DCC: variants seen among roughly 807,000 people sequenced by gnomAD.
DCC encodes the protein DCC netrin 1 receptor.
DCC carries 58 observed loss-of-function variants against 172.5 expected under a neutral mutation model. That is an observed-to-expected ratio of 0.34 (90% CI 0.27 to 0.42). The LOEUF is 0.42. Ranked by LOEUF, DCC falls within the 10% of genes least tolerant of loss-of-function variation. The probability of loss-of-function intolerance (pLI) is 1.00; values close to 1 mark genes in which losing one functional copy is unlikely to be tolerated. For synonymous variants in DCC, 709 were observed against 644.5 expected (o/e 1.10, Z -1.52); for missense variants, 1,740 against 1,791.0 (o/e 0.97, Z 0.51).
chr18:52,925,610 C>T (rs1038354037), intron 5 of DCC, among the ~76,000 whole-genome samples: 1 of 151,758 alleles, frequency 6.6e-6, no homozygotes, highest in Non-Finnish European at 1.5e-5. Flanking sequence ...TCCAGTGATA[C>T]AGCTGAAAAG....
At chr18:52,625,646 A>G (rs1369301905) in intron 1 of DCC, among the ~76,000 whole-genome samples, 1 of 152,156 alleles carries the variant, frequency 6.6e-6, no homozygotes, top group African/African-American at 2.4e-5. Flanking sequence ...TCTACCTGCC[A>G]CCACAGACAT....
rs1463189723 is a variant in DCC at position 53,535,843 on chromosome 18, T to A, written c.*5190T>A. On this transcript the variant is annotated 3_prime_UTR_variant, in exon 29 of 29. Coordinates refer to ENST00000442544, the MANE Select transcript of DCC (RefSeq NM_005215.4). The stretch of plus-strand genomic sequence containing the variant: ...GAACAGTCTCATATTCATTTTTTTA[T>A]AGAAATGTTATTCCAATGGTGCATT... 6.6e-6 allele frequency: 1 copy of A among 152,248 alleles called. No individual in the cohort carries two copies. The highest frequency in any genetic ancestry group is 1.5e-5 in the Non-Finnish European group (1 of 68,044). The allele number at this position is 152,248 out of a possible 1,614,324, so 9.4% of individuals were successfully genotyped here.
intron 7 of DCC, among the ~76,000 whole-genome samples, chr18:53,132,860 G>A (rs2043679539): frequency 6.6e-6 from 1 of 152,114 alleles, no homozygotes. Context: ...CCAAGAACAG[G>A]TTATTCATGT....
intron 7 of DCC, among the ~76,000 whole-genome samples, chr18:53,104,503 T>C (rs1294982398): frequency 3.9e-5 from 6 of 152,084 alleles, no homozygotes; most frequent in Non-Finnish European, 5.9e-5. Context: ...CCCAGCCATG[T>C]GGAACTGTAA....
At chr18:53,208,105 GT>G (rs141875005) in intron 11 of DCC, among the ~76,000 whole-genome samples, 5,354 of 127,080 alleles carry the variant, frequency 0.042, 125 homozygotes, top group African/African-American at 0.089. Flanking sequence ...CTCTGTAAAT[GT>G]TTTTTTTTTT....
chr18:52,709,462 C>T (rs2036259868), intron 1 of DCC, among the ~76,000 whole-genome samples: 2 of 152,044 alleles, frequency 1.3e-5, no homozygotes, highest in Admixed American at 1.3e-4. Flanking sequence ...GGCTCTAAAT[C>T]TATAGGGTAC....
intron 26 of DCC, among the ~76,000 whole-genome samples, chr18:53,498,951 A>AC (rs1330651465): frequency 3.3e-5 from 5 of 152,200 alleles, no homozygotes; most frequent in African/African-American, 9.6e-5. Flanking sequence ...AATTTCACTG[A>AC]CATTGCTACT....
intron 12 of DCC, among the ~76,000 whole-genome samples, chr18:53,246,475 C>T (rs2056366198): frequency 6.6e-6 from 1 of 151,634 alleles, no homozygotes; most frequent in African/African-American, 2.4e-5. Flanking sequence ...ATAAATATCT[C>T]AGCTCATATT....
intron 12 of DCC, among the ~76,000 whole-genome samples, chr18:53,278,127 ATAAC>A (rs765797238): frequency 1.3e-5 from 2 of 152,186 alleles, no homozygotes; most frequent in Non-Finnish European, 2.9e-5. Context: ...ATATGACACA[ATAAC>A]TAAACTAAAA....
intron 5 of DCC, among the ~76,000 whole-genome samples, chr18:53,011,429 TC>T (rs2041729357): frequency 1.3e-5 from 2 of 151,818 alleles, no homozygotes. Context: ...ATTTTATTTT[TC>T]AAAGGGATAT....
chr18:53,248,034 A>G (rs2056385517), intron 12 of DCC, among the ~76,000 whole-genome samples: 1 of 152,012 alleles, frequency 6.6e-6, no homozygotes, highest in African/African-American at 2.4e-5. Context: ...TTGGTTTAGC[A>G]GAATGTCAGG....
chr18:53,309,946 A>ATATATG (rs71175575), intron 13 of DCC, among the ~76,000 whole-genome samples: 1 of 138,226 alleles, frequency 7.2e-6, no homozygotes, highest in East Asian at 2.2e-4. Context: ...ATATATATAC[A>ATATATG]TGTATATATA....
At chr18:53,353,366 C>T (rs1249442662) in intron 15 of DCC, among the ~76,000 whole-genome samples, 1 of 151,068 alleles carries the variant, frequency 6.6e-6, no homozygotes, top group Non-Finnish European at 1.5e-5. Context: ...TTATATTCAA[C>T]AAGAAAATGC....
intron 1 of DCC, among the ~76,000 whole-genome samples, chr18:52,426,988 T>C (rs988827437): frequency 1.3e-5 from 2 of 152,174 alleles, no homozygotes; most frequent in Admixed American, 1.3e-4. Flanking sequence ...GTGCTGTTTT[T>C]AATTTGCATT....
At chr18:52,704,118 G>A (rs991313022) in intron 1 of DCC, among the ~76,000 whole-genome samples, 8 of 152,038 alleles carry the variant, frequency 5.3e-5, no homozygotes, top group African/African-American at 1.9e-4. Flanking sequence ...TAGTTTGTAG[G>A]TATGAAAGAG....
intron 1 of DCC, among the ~76,000 whole-genome samples, chr18:52,496,475 C>T (rs2030755447): frequency 6.6e-6 from 1 of 152,048 alleles, no homozygotes; most frequent in African/African-American, 2.4e-5. Context: ...CTTAAAATGC[C>T]AGGTTTTACT....
In DCC at chr18:53,467,932, C is replaced by T; in HGVS notation, c.3658C>T (p.Leu1220=). 1 of 1,612,470 alleles carries T rather than the reference C, an allele frequency of 6.2e-7. No homozygotes were observed. The highest frequency in any genetic ancestry group is 8.5e-7 in the Non-Finnish European group (1 of 1,178,548). The change falls in exon 25 of 29, where the codon CTG becomes TTG. Residue 1220 remains leucine (L), a synonymous_variant. Transcript: ENST00000442544. ...GGAAGCAGGGAGCTCTATGTCCACT[C>T]TGGAGAGGTCGCTGGCTGCACGCCG... ...TEEAGSSMST[L]ERSLAARRAP...
At chr18:52,717,785 G>A (rs2036409592) in intron 1 of DCC, among the ~76,000 whole-genome samples, 1 of 152,128 alleles carries the variant, frequency 6.6e-6, no homozygotes, top group African/African-American at 2.4e-5. Context: ...ATGAGATGAT[G>A]TAAATGGTTG....
At chr18:53,066,239 G>T in intron 7 of DCC, 73 bp downstream of exon 7, 5 of 1,479,562 alleles carry the variant, frequency 3.4e-6, no homozygotes, top group Non-Finnish European at 4.7e-6. Flanking sequence ...AATCCATATT[G>T]TTTTTCCTAC....
Sources: allele counts gnomAD v4.1 joint callset (sites outside exome capture counted in the v4.1 genomes callset), GRCh38; gene constraint gnomAD v4.1.1; transcripts MANE v1.5; gene names NCBI Gene and HGNC (gene_info 2026-07-23, HGNC 2026-07-21).